TUT4: variants seen among roughly 807,000 people sequenced by gnomAD.
TUT4 encodes the protein terminal uridylyl transferase 4.
In TUT4, 36 loss-of-function variants were observed where a neutral mutation model predicts 192.2. The observed-to-expected ratio is 0.19, with a 90% CI of 0.14 to 0.25. The LOEUF (loss-of-function observed/expected upper bound fraction) is 0.25, where lower values mean the gene tolerates loss of function less well. TUT4 is among the 10% of genes least tolerant of loss of function. The probability of loss-of-function intolerance (pLI) is 1.00; values close to 1 mark genes in which losing one functional copy is unlikely to be tolerated. For missense variants in TUT4, 1,493 were observed against 1,957.2 expected (o/e 0.76, Z 4.47); for synonymous variants, 618 against 666.0 (o/e 0.93, Z 1.11).
intron 4 of TUT4, among the ~76,000 whole-genome samples, chr1:52,498,325 T>TCCGCCCCC (rs1413588527): frequency 6.9e-6 from 1 of 145,298 alleles, no homozygotes; most frequent in Non-Finnish European, 1.5e-5. Context: ...CACTGCAGGC[T>TCCGCCCCC]CCGCCCCCCC....
chr1:52,453,485 G>A (rs1660035780), intron 20 of TUT4, among the ~76,000 whole-genome samples: 2 of 150,216 alleles, frequency 1.3e-5, no homozygotes, highest in Non-Finnish European at 3.0e-5. Flanking sequence ...ACGATCAATA[G>A]ATGCAGAAAA....
rs1031850012 is a variant in TUT4 at position 52,462,893 on chromosome 1, T to G, written c.3070-1124A>C. 7 of 985,242 alleles carry G rather than the reference T, an allele frequency of 7.1e-6. No individual in the cohort carries two copies. The African/African-American group carries it at 1.2e-4, about 17-fold the overall frequency. The allele number at this position is 985,242 out of a possible 1,614,324, so 61.0% of individuals were successfully genotyped here. A position where few individuals can be genotyped will look rare whatever the true frequency, so the allele number is the denominator to read the frequency against. On this transcript the variant is annotated intron_variant, in intron 16 of 29. Transcript: ENST00000257177. The stretch of plus-strand genomic sequence containing the variant: ...TGGAAATAGCTGAAGGGTATAAACA[T>G]CAATCCCAAGAGTTATAAAGTCATT...
At position 52,429,856 on chromosome 1, in the gene TUT4, A is replaced by G. The variant is rs148479485; in HGVS notation, c.4711+1157T>C. 1.9e-3 allele frequency among the ~76,000 whole-genome samples: 293 copies of G among 152,158 alleles called. 2 individuals carry two copies. Among genetic ancestry groups the G allele is most frequent in the African/African-American group, 6.7e-3 (278 of 41,526 alleles). Reference sequence around the variant, plus strand: ...TGATCTGCCCACCTCAGCCTTCCAAAGTTCTGGGATTACAGGTGTAAGCCA... The same window carrying G: ...TGATCTGCCCACCTCAGCCTTCCAAGGTTCTGGGATTACAGGTGTAAGCCA... On this transcript the variant is annotated intron_variant, in intron 28 of 29. Transcript: ENST00000257177.
At position 52,430,335 on chromosome 1, in the gene TUT4, T is replaced by C. The variant is rs150556900; in HGVS notation, c.4711+678A>G. On this transcript the variant is annotated intron_variant, in intron 28 of 29. Coordinates refer to ENST00000257177, the MANE Select transcript of TUT4 (RefSeq NM_001009881.3). ...TTCTGCTCTGTCGCCCTGGCTGGAG[T>C]GCAATGGCGCAATCTCGGCTCACTG... 5.3e-5 allele frequency among the ~76,000 whole-genome samples: 8 copies of C among 152,174 alleles called. No homozygotes were observed. In the East Asian group the frequency reaches 1.5e-3, roughly 29 times the overall value.
chr1:52,504,535 CAGA>C lies in TUT4; in HGVS notation c.999+5058_999+5060del, dbSNP rs1167050118. ...ATCCCAGCTACTCGGGAGGCTGAAG[CAGA>C]AGAACTGCTTGAACCCAGGAGGTGG... On this transcript the variant is annotated intron_variant, in intron 4 of 29. Coordinates refer to ENST00000257177, the MANE Select transcript of TUT4 (RefSeq NM_001009881.3). 2.6e-5 allele frequency among the ~76,000 whole-genome samples: 4 copies of C among 152,064 alleles called. No individual in the cohort carries two copies. The East Asian group carries it at 5.8e-4, about 22-fold the overall frequency.
At chr1:52,519,038 A>ATATATAC (rs1298473809) in intron 2 of TUT4, among the ~76,000 whole-genome samples, 18 of 152,342 alleles carry the variant, frequency 1.2e-4, no homozygotes, top group African/African-American at 4.3e-4. Flanking sequence ...TACTGAAAAA[A>ATATATAC]TGAAAACATA....
intron 29 of TUT4, chr1:52,424,250 G>A: frequency 2.1e-6 from 1 of 479,604 alleles, no homozygotes; most frequent in Non-Finnish European, 3.8e-6. Context: ...CACTAGAAAA[G>A]AGTTGCAGAC....
chr1:52,433,094 AG>A (rs1335341355), intron 27 of TUT4: 1 of 151,998 alleles, frequency 6.6e-6, no homozygotes, highest in African/African-American at 2.4e-5. Context: ...TTTTTGAGAC[AG>A]TCTCGCTGTG....
In TUT4 at chr1:52,425,389, T is replaced by C. The variant is rs781197658; in HGVS notation, c.4830A>G (p.Gly1610=). ...YGLHQNFMHQ[G]NARFQPNKPF... ...GTTTGTTGGGCTGGAATCGGGCATT[T>C]CCCTGATGCATGAAGTTTTGATGCA... Residue 1610 remains glycine (G), a synonymous_variant, in exon 29 of 30, where the codon GGA becomes GGG. Coordinates refer to ENST00000257177, the MANE Select transcript of TUT4 (RefSeq NM_001009881.3). 6.2e-7 allele frequency: 1 copy of C among 1,613,894 alleles called. No individual in the cohort carries two copies. The highest frequency in any genetic ancestry group is 1.3e-5 in the African/African-American group (1 of 75,020).
At chr1:52,480,174 A>C (rs1201139710) in intron 11 of TUT4, among the ~76,000 whole-genome samples, 1 of 152,104 alleles carries the variant, frequency 6.6e-6, no homozygotes, top group East Asian at 1.9e-4. Context: ...TACCAAGGGA[A>C]TGTACATACA....
At chr1:52,475,577 CA>C (rs1666864070) in intron 12 of TUT4, 42 bp from the exon 13 acceptor site, 1 of 1,501,568 alleles carries the variant, frequency 6.7e-7, no homozygotes, top group Admixed American at 2.1e-5. Flanking sequence ...TCTCTACTAA[CA>C]AACTACATTT....
At chr1:52,508,151 G>T (rs1395524700) in intron 4 of TUT4, among the ~76,000 whole-genome samples, 1 of 151,732 alleles carries the variant, frequency 6.6e-6, no homozygotes, top group South Asian at 2.1e-4. Flanking sequence ...GCTTGCCCAG[G>T]TGAAACCCCG....
intron 11 of TUT4, among the ~76,000 whole-genome samples, chr1:52,480,038 T>C (rs547852975): frequency 6.9e-6 from 1 of 145,864 alleles, no homozygotes; most frequent in Admixed American, 6.8e-5. Context: ...GATATCTAAG[T>C]AGAGACAATA....
intron 12 of TUT4, among the ~76,000 whole-genome samples, chr1:52,477,267 A>G (rs1021902093): frequency 6.6e-6 from 1 of 152,162 alleles, no homozygotes; most frequent in Non-Finnish European, 1.5e-5. Context: ...TAGACTTGAC[A>G]AAGAATCTAA....
chr1:52,427,356 A>G (rs1304096543), intron 28 of TUT4, among the ~76,000 whole-genome samples: 1 of 152,066 alleles, frequency 6.6e-6, no homozygotes, highest in Non-Finnish European at 1.5e-5. Context: ...AGCAGAAGGA[A>G]CAACTTAGAT....
intron 28 of TUT4, 106 bp downstream of exon 28, chr1:52,430,907 C>T: frequency 8.0e-7 from 1 of 1,246,704 alleles, no homozygotes; most frequent in East Asian, 2.4e-5. Context: ...CCTGTACTGT[C>T]CCCTCCACAA....
At chr1:52,469,803 A>G (rs967665826) in intron 14 of TUT4, among the ~76,000 whole-genome samples, 4 of 149,368 alleles carry the variant, frequency 2.7e-5, no homozygotes, top group Non-Finnish European at 5.9e-5. Context: ...GGCAGGAGAA[A>G]TGGCTGGAAC....
intron 20 of TUT4, among the ~76,000 whole-genome samples, chr1:52,448,588 C>CA (rs1190767355): frequency 0.17 from 7,052 of 40,358 alleles, 747 homozygotes; most frequent in East Asian, 0.24. Context: ...GATTCTGTCT[C>CA]AAAAAAAAAA....
At chr1:52,428,152 AAC>A (rs1016096014) in intron 28 of TUT4, among the ~76,000 whole-genome samples, 21 of 152,332 alleles carry the variant, frequency 1.4e-4, no homozygotes, top group South Asian at 6.2e-4. Flanking sequence ...ATAAAAACCA[AAC>A]ACACAGTTTT....
Sources: allele counts gnomAD v4.1 joint callset (sites outside exome capture counted in the v4.1 genomes callset), GRCh38; gene constraint gnomAD v4.1.1; transcripts MANE v1.5; gene names NCBI Gene and HGNC (gene_info 2026-07-23, HGNC 2026-07-21).